USH2A: variants seen among roughly 807,000 people sequenced by gnomAD.
USH2A encodes Usher syndrome 2A (autosomal recessive, mild).
USH2A carries 443 observed loss-of-function variants against 538.9 expected under a neutral mutation model. The ratio of observed to expected loss-of-function variants is 0.82; its 90% CI spans 0.76 to 0.89. The LOEUF (loss-of-function observed/expected upper bound fraction) is 0.89, where lower values mean the gene tolerates loss of function less well. Ranked by LOEUF, USH2A falls within the 40% of genes least tolerant of loss-of-function variation. The pLI, the probability that USH2A is intolerant of heterozygous loss-of-function variation, is 0.00. For missense variants in USH2A, 6,633 were observed against 6,324.8 expected (o/e 1.05, Z -1.65); for synonymous variants, 2,413 against 2,273.5 (o/e 1.06, Z -1.75).
At chr1:216,174,537 A>G in intron 21 of USH2A, 14 of 984,356 alleles carry the variant, frequency 1.4e-5, no homozygotes, top group Non-Finnish European at 1.7e-5. Flanking sequence ...TAATATTTTT[A>G]TAGTGCTTTC....
At chr1:215,684,774 C>G (rs1345144416) in intron 61 of USH2A, among the ~76,000 whole-genome samples, 2 of 152,184 alleles carry the variant, frequency 1.3e-5, no homozygotes, top group East Asian at 3.9e-4. Context: ...TTATCCTGGG[C>G]TCTTTATCCT....
At chr1:216,104,224 A>G (rs1381338693) in intron 21 of USH2A, among the ~76,000 whole-genome samples, 1 of 106,304 alleles carries the variant, frequency 9.4e-6, no homozygotes, top group African/African-American at 3.7e-5. Flanking sequence ...TCCTCCCCCC[A>G]CCCCACAACA....
intron 4 of USH2A, among the ~76,000 whole-genome samples, chr1:216,332,126 T>A (rs12030122): frequency 6.6e-6 from 1 of 152,054 alleles, no homozygotes; most frequent in African/African-American, 2.4e-5. Context: ...GCCTAGTTAC[T>A]GCTAGAGGAT....
At chr1:215,861,216 T>C (rs966861779) in intron 44 of USH2A, among the ~76,000 whole-genome samples, 20 of 152,192 alleles carry the variant, frequency 1.3e-4, no homozygotes, top group Non-Finnish European at 1.8e-4. Context: ...TCTCATAGTG[T>C]TCCAGCTTCT....
intron 38 of USH2A, among the ~76,000 whole-genome samples, chr1:215,933,014 C>T (rs1469288262): frequency 1.3e-5 from 2 of 151,754 alleles, no homozygotes; most frequent in Admixed American, 6.6e-5. Context: ...AAAACATAAA[C>T]AATGAATTAA....
intron 61 of USH2A, among the ~76,000 whole-genome samples, chr1:215,684,495 G>A (rs1658344058): frequency 6.6e-6 from 1 of 152,148 alleles, no homozygotes; most frequent in Non-Finnish European, 1.5e-5. Context: ...TGAGTCTATT[G>A]ATCTGATGAT....
chr1:215,837,841 T>A (rs1663574311), intron 47 of USH2A, 150 bp downstream of exon 47: 2 of 702,052 alleles, frequency 2.8e-6, no homozygotes, highest in African/African-American at 3.5e-5. Context: ...AAGATTAATA[T>A]CTGTGAAATA....
chr1:215,753,460 A>G (rs1364983402), intron 58 of USH2A, among the ~76,000 whole-genome samples: 1 of 152,188 alleles, frequency 6.6e-6, no homozygotes, highest in Non-Finnish European at 1.5e-5. Context: ...GCACATATAC[A>G]CCATGGAATA....
At chr1:216,002,397 C>G (rs752836854) in intron 32 of USH2A, among the ~76,000 whole-genome samples, 9 of 152,084 alleles carry the variant, frequency 5.9e-5, no homozygotes, top group Non-Finnish European at 1.3e-4. Context: ...TCCTTGTCCT[C>G]CCTGAAAAAG....
At chr1:215,977,006 T>C (rs2102463466) in intron 35 of USH2A, among the ~76,000 whole-genome samples, 1 of 151,734 alleles carries the variant, frequency 6.6e-6, no homozygotes, top group Non-Finnish European at 1.5e-5. Context: ...TTCTTTTTTT[T>C]CGGCGGGGTA....
chr1:215,664,167 A>T (rs1288316756), intron 64 of USH2A, among the ~76,000 whole-genome samples: 1 of 152,228 alleles, frequency 6.6e-6, no homozygotes, highest in Non-Finnish European at 1.5e-5. Flanking sequence ...ACTTGTAGTG[A>T]AATAGTCATG....
chr1:216,179,169 C>T (rs773475149), intron 20 of USH2A, among the ~76,000 whole-genome samples: 3 of 151,958 alleles, frequency 2.0e-5, no homozygotes, highest in Non-Finnish European at 4.4e-5. Context: ...ATTCCTTCCC[C>T]CATCAGTAGC....
chr1:215,799,764 T>C (rs536975006), intron 49 of USH2A, among the ~76,000 whole-genome samples: 19 of 152,180 alleles, frequency 1.2e-4, no homozygotes, highest in Non-Finnish European at 2.8e-4. Flanking sequence ...GGTGGGTGGA[T>C]AACTTGAGGC....
At chr1:216,259,456 T>A (rs2036323913) in intron 11 of USH2A, among the ~76,000 whole-genome samples, 1 of 152,082 alleles carries the variant, frequency 6.6e-6, no homozygotes, top group African/African-American at 2.4e-5. Context: ...TAAATTATAA[T>A]GAAGCTGATC....
chr1:216,402,007 A>G (rs1298972852), intron 3 of USH2A, among the ~76,000 whole-genome samples: 1 of 152,142 alleles, frequency 6.6e-6, no homozygotes, highest in Admixed American at 6.5e-5. Flanking sequence ...AATAATGACT[A>G]AAAGAAGTTC....
rs552074803 is a variant in USH2A at position 215,788,535 on chromosome 1, A to T, written c.10182+1524T>A. Among the ~76,000 whole-genome samples, 4 of 152,286 alleles carry T rather than the reference A, an allele frequency of 2.6e-5. No individual in the cohort carries two copies. In the South Asian group the frequency reaches 8.3e-4, roughly 32 times the overall value. Reference sequence around the variant, plus strand: ...AAAAAAAAAATTGCTAAGAGAGTAGATCCTAAATGCTCTCATCACAAAAAT... The same window carrying T: ...AAAAAAAAAATTGCTAAGAGAGTAGTTCCTAAATGCTCTCATCACAAAAAT... On this transcript the variant is annotated intron_variant, in intron 51 of 71. Transcript: ENST00000307340.
chr1:215,934,927 T>C, intron 37 of USH2A, 132 bp from the exon 38 acceptor site: 3 of 781,702 alleles, frequency 3.8e-6, no homozygotes, highest in Non-Finnish European at 5.8e-6. Context: ...CTAAGAGGCA[T>C]TACATGTGCT....
intron 44 of USH2A, among the ~76,000 whole-genome samples, chr1:215,848,116 A>G (rs1168704897): frequency 6.6e-6 from 1 of 152,166 alleles, no homozygotes. Flanking sequence ...ATTTTCCTGA[A>G]TGATAATATT....
chr1:215,686,624 T>C (rs990526140), intron 61 of USH2A, among the ~76,000 whole-genome samples: 1 of 152,102 alleles, frequency 6.6e-6, no homozygotes, highest in African/African-American at 2.4e-5. Context: ...GACCTAATTA[T>C]GTGTGAAGAG....
Sources: allele counts gnomAD v4.1 joint callset (sites outside exome capture counted in the v4.1 genomes callset), GRCh38; gene constraint gnomAD v4.1.1; transcripts MANE v1.5; gene names NCBI Gene and HGNC (gene_info 2026-07-23, HGNC 2026-07-21).